Variants in LRBA observed in about 807,000 individuals in gnomAD.
LRBA encodes lipopolysaccharide-responsive and beige-like anchor protein.
In LRBA, 176 loss-of-function variants were observed where a neutral mutation model predicts 330.0. That is an observed-to-expected ratio of 0.53 (90% CI 0.47 to 0.60). The LOEUF (loss-of-function observed/expected upper bound fraction) is 0.60. LRBA is among the 20% of genes least tolerant of loss of function. The probability of loss-of-function intolerance (pLI) is 0.00; values close to 1 mark genes in which losing one functional copy is unlikely to be tolerated. For missense variants in LRBA, 3,259 were observed against 3,444.8 expected, an observed-to-expected ratio of 0.95 and a Z score of 1.35; for synonymous variants, 1,230 against 1,193.0, an observed-to-expected ratio of 1.03 and a Z score of -0.64.
intron 12 of LRBA, 74 bp from the exon 13 acceptor site, chr4:150,906,064 G>T: frequency 2.3e-6 from 3 of 1,299,360 alleles, no homozygotes; most frequent in Non-Finnish European, 3.2e-6. Context: ...TCCCTACCAG[G>T]AAAAAAACTG....
At chr4:150,361,248 T>C (rs1318403507) in intron 47 of LRBA, among the ~76,000 whole-genome samples, 2 of 152,216 alleles carry the variant, frequency 1.3e-5, no homozygotes, top group Non-Finnish European at 2.9e-5. Flanking sequence ...GCATTTTCGA[T>C]TAAATAATGA....
At chr4:151,012,476 A>T (rs1744965438) in intron 2 of LRBA, among the ~76,000 whole-genome samples, 1 of 152,230 alleles carries the variant, frequency 6.6e-6, no homozygotes, top group Non-Finnish European at 1.5e-5. Flanking sequence ...ATTTTAAAAA[A>T]GAACAAAAAA....
At chr4:150,454,749 T>G (rs994715085) in intron 44 of LRBA, among the ~76,000 whole-genome samples, 15 of 151,990 alleles carry the variant, frequency 9.9e-5, no homozygotes, top group African/African-American at 3.6e-4. Context: ...TTCTCCCTTC[T>G]AAGTCTCCAA....
intron 40 of LRBA, among the ~76,000 whole-genome samples, chr4:150,545,976 T>C (rs1376087759): frequency 6.6e-6 from 1 of 152,098 alleles, no homozygotes; most frequent in African/African-American, 2.4e-5. Flanking sequence ...GATTCTAAAA[T>C]TACAGGTATA....
chr4:150,980,683 G>A (rs561071765), intron 2 of LRBA, among the ~76,000 whole-genome samples: 2 of 152,182 alleles, frequency 1.3e-5, no homozygotes, highest in South Asian at 2.1e-4. Context: ...AAATTGGAAA[G>A]GAAGAAGTTA....
chr4:150,812,152 T>A (rs1743833276), intron 31 of LRBA, among the ~76,000 whole-genome samples: 1 of 152,194 alleles, frequency 6.6e-6, no homozygotes, highest in Non-Finnish European at 1.5e-5. Context: ...ACATTCTGTA[T>A]TTTTTCAACT....
intron 17 of LRBA, among the ~76,000 whole-genome samples, chr4:150,886,320 G>T (rs1407948870): frequency 6.6e-6 from 1 of 152,142 alleles, no homozygotes; most frequent in East Asian, 1.9e-4. Flanking sequence ...GAGAAATCTA[G>T]AAATTAGGTC....
At chr4:150,537,366 A>G (rs1764771914) in intron 40 of LRBA, among the ~76,000 whole-genome samples, 1 of 152,228 alleles carries the variant, frequency 6.6e-6, no homozygotes, top group Admixed American at 6.5e-5. Context: ...CTCAAGCTAT[A>G]AAAATCCTAA....
chr4:150,324,117 C>T (rs1013019203), intron 49 of LRBA, among the ~76,000 whole-genome samples: 2 of 152,090 alleles, frequency 1.3e-5, no homozygotes, highest in African/African-American at 4.8e-5. Flanking sequence ...ATGAGCCTTC[C>T]CCGCCTTCTC....
chr4:150,318,415 T>C (rs754431328), intron 50 of LRBA, among the ~76,000 whole-genome samples: 37 of 152,060 alleles, frequency 2.4e-4, no homozygotes, highest in Non-Finnish European at 4.1e-4. Context: ...ATGGAAATCA[T>C]AGATCCTCAG....
intron 40 of LRBA, among the ~76,000 whole-genome samples, chr4:150,526,974 T>TA (rs1189629686): frequency 1.3e-5 from 2 of 151,920 alleles, no homozygotes; most frequent in African/African-American, 4.8e-5. Context: ...TTCAAGTTTT[T>TA]AATCAATGAG....
At chr4:150,689,084 A>T (rs1783881028) in intron 36 of LRBA, among the ~76,000 whole-genome samples, 1 of 152,238 alleles carries the variant, frequency 6.6e-6, no homozygotes, top group South Asian at 2.1e-4. Context: ...GTTAGACTGG[A>T]TAAAGAAAAT....
intron 36 of LRBA, among the ~76,000 whole-genome samples, chr4:150,711,232 A>C (rs1786169084): frequency 6.9e-6 from 1 of 145,906 alleles, no homozygotes; most frequent in Non-Finnish European, 1.5e-5. Flanking sequence ...AAATCTAAGA[A>C]GTTAATTTTT....
chr4:150,528,963 A>T (rs1763775764), intron 40 of LRBA, among the ~76,000 whole-genome samples: 1 of 152,214 alleles, frequency 6.6e-6, no homozygotes, highest in Admixed American at 6.5e-5. Context: ...TGGTATGCAT[A>T]GAACCAAATG....
rs79927666 is a variant in LRBA at position 150,804,440 on chromosome 4, T to G, written c.5518+1831A>C. 4.6e-3 allele frequency among the ~76,000 whole-genome samples: 698 copies of G among 152,310 alleles called. 6 individuals are homozygous for G. Among genetic ancestry groups the G allele is most frequent in the African/African-American group, 0.016 (667 of 41,584 alleles). On this transcript the variant is annotated intron_variant, in intron 33 of 56. Transcript: ENST00000651943. ...AAACGAAGTGCTCATATTGCACAGT[T>G]AATACTCAAATATAGATATCTTAAA...
chr4:150,625,346 T>A (rs2126645821), intron 37 of LRBA, among the ~76,000 whole-genome samples: 1 of 152,272 alleles, frequency 6.6e-6, no homozygotes, highest in East Asian at 1.9e-4. Context: ...AGACTACAGG[T>A]GACTGATAAA....
chr4:150,376,504 A>G (rs1741350759), intron 47 of LRBA, among the ~76,000 whole-genome samples: 1 of 152,220 alleles, frequency 6.6e-6, no homozygotes, highest in Non-Finnish European at 1.5e-5. Flanking sequence ...AATGTTAGCA[A>G]CTTATATAAT....
intron 28 of LRBA, among the ~76,000 whole-genome samples, chr4:150,833,349 A>G (rs1400711186): frequency 6.6e-6 from 1 of 151,996 alleles, no homozygotes; most frequent in Admixed American, 6.6e-5. Flanking sequence ...TTTATCTATC[A>G]AATTCTGAAA....
intron 47 of LRBA, among the ~76,000 whole-genome samples, chr4:150,375,191 T>C (rs951949909): frequency 6.6e-6 from 1 of 152,150 alleles, no homozygotes; most frequent in African/African-American, 2.4e-5. Context: ...CCTACAGCCC[T>C]GAAGCAGGCA....
Sources: allele counts gnomAD v4.1 joint callset (sites outside exome capture counted in the v4.1 genomes callset), GRCh38; gene constraint gnomAD v4.1.1; transcripts MANE v1.5; gene names NCBI Gene and HGNC (gene_info 2026-07-23, HGNC 2026-07-21).